The following USP36 variants were observed in gnomAD, a reference collection of about 807,000 sequenced individuals.
USP36 encodes ubiquitin carboxyl-terminal hydrolase 36.
A neutral mutation model predicts 111.5 loss-of-function variants in USP36; 59 were observed. The ratio of observed to expected loss-of-function variants is 0.53; its 90% CI spans 0.43 to 0.66. The LOEUF (loss-of-function observed/expected upper bound fraction) is 0.66. Ranked by LOEUF, USP36 falls within the 30% of genes least tolerant of loss-of-function variation. The pLI is 0.00. For missense variants in USP36, 1,488 were observed against 1,468.0 expected (o/e 1.01, Z -0.22); for synonymous variants, 628 against 581.0 (o/e 1.08, Z -1.16).
Position 78,803,301 on chromosome 17 carries a change from C to T in USP36, c.2810+84G>A. 2 of 1,445,880 alleles carry T rather than the reference C, an allele frequency of 1.4e-6. No individual in the cohort carries two copies. Among genetic ancestry groups the T allele is most frequent in the South Asian group, 1.3e-5 (1 of 78,048 alleles). 89.6% of individuals were successfully genotyped at this position (1,445,880 alleles called of 1,614,324 possible). ...CACGCAAGCAGACTACGTTTCCAGA[C>T]CATACCTACTTGGGGGTAGATTCTG... On this transcript the variant is annotated intron_variant, in intron 16 of 20. Transcript: ENST00000449938. This position sits in a 1 kb window ranked among gnomAD's most constrained non-coding sequence, Gnocchi z 4.6.
chr17:78,791,433 A>G (rs975425805), downstream of USP36, among the ~76,000 whole-genome samples: 1 of 152,096 alleles, frequency 6.6e-6, no homozygotes, highest in Non-Finnish European at 1.5e-5. Context: ...CCTTCTTTTT[A>G]TAGGAAGTCA....
At position 78,835,168 on chromosome 17, in the gene USP36, T is replaced by A. The variant is rs189691581; in HGVS notation, c.475+112A>T. ...AGGTTTCATCAGTTACTATACATTA[T>A]GAACTACCCTCCTAAATTTGACCCA... is the stretch of plus-strand genomic sequence containing the variant. On this transcript the variant is annotated intron_variant, in intron 4 of 20. Transcript: ENST00000449938. 4.1e-5 allele frequency: 46 copies of A among 1,116,296 alleles called. No individual in the cohort carries two copies. The Admixed American group carries it at 7.3e-4, about 18-fold the overall frequency. The allele number at this position is 1,116,296 out of a possible 1,614,324, so 69.1% of individuals were successfully genotyped here. A position where few individuals can be genotyped will look rare whatever the true frequency, so the allele number is the denominator to read the frequency against.
chr17:78,820,574 G>A (rs2094295004), intron 8 of USP36, among the ~76,000 whole-genome samples: 1 of 152,182 alleles, frequency 6.6e-6, no homozygotes. Context: ...TGGAGCTTGG[G>A]TTGGCCCAGC....
intron 4 of USP36, among the ~76,000 whole-genome samples, chr17:78,831,889 G>C (rs2068150794): frequency 7.0e-6 from 1 of 141,890 alleles, no homozygotes; most frequent in Non-Finnish European, 1.5e-5. Flanking sequence ...GTTGCAGTCA[G>C]CTATGATTAC....
chr17:78,802,656 G>T, intron 16 of USP36, 121 bp from the exon 17 acceptor site: 2 of 950,430 alleles, frequency 2.1e-6, no homozygotes, highest in Non-Finnish European at 3.1e-6. Flanking sequence ...GTGCACGCAG[G>T]TCCCTGCAAC....
intron 6 of USP36, 100 bp from the exon 7 acceptor site, chr17:78,822,104 C>G: frequency 7.1e-7 from 1 of 1,408,634 alleles, no homozygotes; most frequent in Non-Finnish European, 1.0e-6. Flanking sequence ...ACAAGCTCAG[C>G]GTGAGGCTGG....
intron 10 of USP36, among the ~76,000 whole-genome samples, chr17:78,817,206 G>A (rs554298813): frequency 1.3e-5 from 2 of 152,202 alleles, no homozygotes; most frequent in African/African-American, 2.4e-5. Context: ...AGCTGGCTCC[G>A]TCATCTACGT....
At chr17:78,795,240 C>T (rs966651508), downstream of USP36, among the ~76,000 whole-genome samples, 10 of 152,302 alleles carry the variant, frequency 6.6e-5, 1 homozygote, top group Admixed American at 6.5e-4. This position sits in a 1 kb window ranked among gnomAD's most constrained non-coding sequence, Gnocchi z 4.5. Flanking sequence ...TGCCTCACCT[C>T]GCTTGTTCTT....
At chr17:78,817,553 G>A (rs576926177) in intron 10 of USP36, among the ~76,000 whole-genome samples, 19 of 152,044 alleles carry the variant, frequency 1.2e-4, no homozygotes, top group African/African-American at 3.4e-4. Flanking sequence ...TCAGGAGTTC[G>A]AGACCAGCCT....
downstream of USP36, among the ~76,000 whole-genome samples, chr17:78,792,750 ACT>A (rs2093593684): frequency 6.6e-6 from 1 of 151,632 alleles, no homozygotes; most frequent in Admixed American, 6.6e-5. Flanking sequence ...ACAGAGTCTC[ACT>A]CTGTCGCCCA....
At chr17:78,815,845 AC>A (rs1331514722) in intron 10 of USP36, among the ~76,000 whole-genome samples, 2 of 135,928 alleles carry the variant, frequency 1.5e-5, no homozygotes, top group Admixed American at 1.4e-4. Flanking sequence ...ACATACACAC[AC>A]ACATATGCAT....
Position 78,835,288 on chromosome 17 carries a change from G to A in USP36, c.467C>T (p.Ala156Val). Residue 156 changes from alanine (A) to valine (V), a missense_variant, in exon 4 of 21, where the codon GCT becomes GTT. This residue lies in a region of USP36 where 219 missense variants were observed against 209.5 expected (regional missense o/e 1.05). Transcript: ENST00000449938. ...LANYLLSKEH[A>V]RSCHQGSFCM... ...TGCAAACCCACACTCACAGCTGCGA[G>A]CATGCTCCTTGGAGAGCAGGTAGTT... 3 of 1,614,114 alleles carry A rather than the reference G, an allele frequency of 1.9e-6. No homozygotes were observed. The highest frequency in any genetic ancestry group is 1.1e-5 in the South Asian group (1 of 91,066).
rs117840411 is a variant in USP36, at chr17:78,812,937, C to A, written c.1330G>T (p.Gly444Cys). The part of the protein sequence containing the change: ...ISRTGSSSLP[G>C]RPSVIPDHSK... The stretch of plus-strand genomic sequence containing the variant: ...TGATCTGGAATCACACTCGGGCGGC[C>A]GGGAAGGGAGGAGGAGCCTGTCCTG... Residue 444 changes from glycine (G) to cysteine (C), a missense_variant, in exon 13 of 21, where the codon GGC becomes TGC. Gly to Cys is a radical substitution (Grantham distance 159). This residue lies in a region of USP36 where 1,073 missense variants were observed against 994.1 expected (regional missense o/e 1.08). Coordinates refer to ENST00000449938, the MANE Select transcript of USP36 (RefSeq NM_001385174.1). 5 of 1,613,904 alleles carry A rather than the reference C, an allele frequency of 3.1e-6. No homozygotes were observed. Among genetic ancestry groups the A allele is most frequent in the Non-Finnish European group, 4.2e-6 (5 of 1,179,994 alleles).
At chr17:78,816,373 C>T (rs2145305223) in intron 10 of USP36, among the ~76,000 whole-genome samples, 1 of 152,102 alleles carries the variant, frequency 6.6e-6, no homozygotes. Context: ...CACCTATAAT[C>T]CCAACACTTT....
chr17:78,799,071 CCT>C (rs1567906768), intron 18 of USP36, 48 bp from the exon 19 acceptor site: 1 of 1,574,390 alleles, frequency 6.4e-7, no homozygotes, highest in East Asian at 2.2e-5. Context: ...TCCCAGGTCC[CCT>C]GTGGCTTCAC....
intron 10 of USP36, among the ~76,000 whole-genome samples, chr17:78,817,187 A>G (rs77292004): frequency 5.9e-4 from 90 of 152,356 alleles, no homozygotes; most frequent in African/African-American, 2.0e-3. Context: ...GCAATGGGCT[A>G]TACCATACAG....
rs2093939521 is a variant in USP36, at chr17:78,807,503, G to A, written c.1541C>T (p.Pro514Leu). 3.7e-6 allele frequency: 6 copies of A among 1,614,008 alleles called. No individual in the cohort carries two copies. Among genetic ancestry groups the A allele is most frequent in the Non-Finnish European group, 5.1e-6 (6 of 1,179,934 alleles). Residue 514 changes from proline (P) to leucine (L), a missense_variant, in exon 14 of 21, where the codon CCT becomes CTT. Physicochemically the swap from Pro to Leu is moderately conservative, Grantham distance 98. Transcript: ENST00000449938. Reference sequence around the variant, plus strand: ...GGGTGTCTGGGAGAGTTTGGGGGAAGGGGACCCCGAGGGCAGCTTTGGAGG... The same window carrying A: ...GGGTGTCTGGGAGAGTTTGGGGGAAAGGGACCCCGAGGGCAGCTTTGGAGG... Reference protein sequence around the residue: ...CIPPKLPSGSPSPKLSQTPTH... With the variant: ...CIPPKLPSGSLSPKLSQTPTH...
intron 13 of USP36, among the ~76,000 whole-genome samples, chr17:78,811,434 A>G (rs2094053177): frequency 6.6e-6 from 1 of 152,216 alleles, no homozygotes; most frequent in Non-Finnish European, 1.5e-5. Context: ...ATTTGAGTAA[A>G]TTGCAGACAT....
chr17:78,816,904 C>T (rs1260154177), intron 10 of USP36, among the ~76,000 whole-genome samples: 1 of 152,170 alleles, frequency 6.6e-6, no homozygotes, highest in Non-Finnish European at 1.5e-5. Flanking sequence ...ATTCCCACAT[C>T]CCAGTCATTG....
Sources: gnomAD v4.1 joint callset for allele counts (sites outside exome capture counted in the v4.1 genomes callset) on GRCh38, gnomAD v4.1.1 for gene constraint, gnomAD v4.1.1 regional missense constraint, Gnocchi (gnomAD v3.1) non-coding constraint, MANE v1.5 for transcripts, NCBI Gene and HGNC (gene_info 2026-07-23, HGNC 2026-07-21) for gene names.